Variants in PTPRD observed in about 807,000 individuals in gnomAD.
PTPRD encodes the protein receptor-type tyrosine-protein phosphatase delta.
In PTPRD, 34 loss-of-function variants were observed where a neutral mutation model predicts 214.5. The ratio of observed to expected loss-of-function variants is 0.16; its 90% CI spans 0.12 to 0.21. The LOEUF (loss-of-function observed/expected upper bound fraction) is 0.21, where lower values mean the gene tolerates loss of function less well. Among genes scored for constraint, PTPRD ranks in the 10% least tolerant of loss-of-function variants. The pLI, the probability that PTPRD is intolerant of heterozygous loss-of-function variation, is 1.00. For synonymous variants in PTPRD, 1,128 were observed against 845.7 expected (o/e 1.33, Z -5.79); for missense variants, 2,545 against 2,398.7 (o/e 1.06, Z -1.27).
intron 5 of PTPRD, among the ~76,000 whole-genome samples, chr9:9,779,411 C>A (rs1342781307): frequency 6.6e-6 from 1 of 152,036 alleles, no homozygotes; most frequent in African/African-American, 2.4e-5. Flanking sequence ...ACAGAATAAA[C>A]AGACAACATG....
intron 5 of PTPRD, among the ~76,000 whole-genome samples, chr9:9,880,905 A>G (rs1344125648): frequency 6.6e-6 from 1 of 152,170 alleles, no homozygotes; most frequent in Non-Finnish European, 1.5e-5. Flanking sequence ...TTGGAAAATA[A>G]TTACATATTT....
chr9:9,978,969 A>G (rs1320171060), intron 4 of PTPRD, among the ~76,000 whole-genome samples: 4 of 152,200 alleles, frequency 2.6e-5, no homozygotes, highest in Non-Finnish European at 5.9e-5. Flanking sequence ...TACAAGCCAG[A>G]ATATTCAGTC....
rs149944614 is a variant in PTPRD at position 8,667,130 on chromosome 9, G to A, written c.65-30286C>T. Among the ~76,000 whole-genome samples the A allele has an allele frequency of 3.2e-3, 486 of 152,280 alleles. 4 individuals are homozygous for A. Among genetic ancestry groups the A allele is most frequent in the East Asian group, 0.032 (163 of 5,172 alleles). ...GAGGCGGGCAGATGACCTGAAGTCA[G>A]GAGTTCAAGACCAGCCTGGCCAACA... On this transcript the variant is annotated intron_variant, in intron 12 of 45. Coordinates refer to ENST00000381196, the MANE Select transcript of PTPRD (RefSeq NM_002839.4).
chr9:9,349,347 A>G (rs1427011304), intron 9 of PTPRD, among the ~76,000 whole-genome samples: 1 of 151,916 alleles, frequency 6.6e-6, no homozygotes, highest in Non-Finnish European at 1.5e-5. Flanking sequence ...CAGTCACCAC[A>G]CCTCCAACCC....
intron 12 of PTPRD, among the ~76,000 whole-genome samples, chr9:8,708,903 C>G (rs2098267552): frequency 6.6e-6 from 1 of 151,968 alleles, no homozygotes; most frequent in Non-Finnish European, 1.5e-5. Context: ...ACAGTGAAAT[C>G]CTACTCAGCC....
intron 5 of PTPRD, among the ~76,000 whole-genome samples, chr9:9,861,569 G>A (rs542729343): frequency 2.6e-5 from 4 of 152,148 alleles, no homozygotes; most frequent in African/African-American, 9.7e-5. Context: ...GATTACTGGC[G>A]TGAGCCACCG....
intron 7 of PTPRD, among the ~76,000 whole-genome samples, chr9:9,732,371 T>C (rs763945936): frequency 6.6e-6 from 1 of 151,904 alleles, no homozygotes; most frequent in Non-Finnish European, 1.5e-5. Context: ...AGCAGGAGAA[T>C]AAGTGTTTTA....
chr9:10,107,795 G>A (rs908633607), intron 3 of PTPRD, among the ~76,000 whole-genome samples: 4 of 152,020 alleles, frequency 2.6e-5, no homozygotes, highest in Non-Finnish European at 5.9e-5. Context: ...AATGTCAACT[G>A]CAATATGATT....
intron 2 of PTPRD, among the ~76,000 whole-genome samples, chr9:10,504,625 C>G (rs2045266992): frequency 6.6e-6 from 1 of 152,140 alleles, no homozygotes; most frequent in Non-Finnish European, 1.5e-5. Flanking sequence ...CCGAATTCGT[C>G]AATTGCACAA....
At position 8,331,590 on chromosome 9, in the gene PTPRD, G is replaced by T. The variant is rs1841222693; in HGVS notation, c.5526C>A (p.Val1842=). The T allele has an allele frequency of 1.8e-6, 2 of 1,106,410 alleles. No homozygotes were observed. Among genetic ancestry groups the T allele is most frequent in the Non-Finnish European group, 2.3e-6 (2 of 862,510 alleles). 68.5% of individuals were successfully genotyped at this position (1,106,410 alleles called of 1,614,324 possible). A position where few individuals can be genotyped will look rare whatever the true frequency, so the allele number is the denominator to read the frequency against. The stretch of plus-strand genomic sequence containing the variant: ...CACAAATGGAAACTTACCTGCAATG[G>T]ACTGAAATGGGTCCATCTTGGCCAA... ...EQFGQDGPIS[V]HCSAGVGRTG... is the part of the protein sequence containing the mutation. The change falls in exon 44 of 46, where the codon GTC becomes GTA. Residue 1842 remains valine, a synonymous_variant. Transcript: ENST00000381196.
chr9:8,746,125 G>A (rs2092771598), intron 11 of PTPRD, among the ~76,000 whole-genome samples: 2 of 151,586 alleles, frequency 1.3e-5, no homozygotes, highest in South Asian at 4.2e-4. Context: ...AAATTTAAAT[G>A]TCAGCAAGGA....
In PTPRD at chr9:9,928,762, A is replaced by ACACACACACACACACACACACACACAC. The variant is rs1555348383; in HGVS notation, c.-368+9744_-368+9745insGTGTGTGTGTGTGTGTGTGTGTGTGTG. Among the ~76,000 whole-genome samples, 77 of 151,342 alleles carry ACACACACACACACACACACACACACAC rather than the reference A, an allele frequency of 5.1e-4. 1 individual carries two copies. The highest frequency in any genetic ancestry group is 1.7e-3 in the African/African-American group (71 of 41,256). On this transcript the variant is annotated intron_variant, in intron 5 of 45. Transcript: ENST00000381196. ...AGCAGTCATCTCTCTCTCTATACAC[A>ACACACACACACACACACACACACACAC]CACACACACACACACACACACACAC... is the stretch of plus-strand genomic sequence containing the variant.
chr9:8,849,578 A>G (rs1228057933), intron 11 of PTPRD, among the ~76,000 whole-genome samples: 2 of 152,178 alleles, frequency 1.3e-5, no homozygotes, highest in African/African-American at 2.4e-5. Flanking sequence ...ACTTGAACTG[A>G]GCATTAGAAA....
chr9:9,247,323 T>C (rs2099973515), intron 9 of PTPRD, among the ~76,000 whole-genome samples: 1 of 152,058 alleles, frequency 6.6e-6, no homozygotes, highest in Non-Finnish European at 1.5e-5. Flanking sequence ...TTGTGTCCAA[T>C]CACATTTCTA....
At chr9:10,295,617 G>T (rs1471002801) in intron 3 of PTPRD, among the ~76,000 whole-genome samples, 4 of 152,008 alleles carry the variant, frequency 2.6e-5, no homozygotes, top group African/African-American at 9.7e-5. Context: ...CCTTAGTATG[G>T]TAGGCAGAAT....
chr9:9,618,950 T>C (rs540494541), intron 7 of PTPRD, among the ~76,000 whole-genome samples: 2 of 151,772 alleles, frequency 1.3e-5, no homozygotes, highest in South Asian at 2.1e-4. Context: ...TCCCAAGACA[T>C]AGGAAAAAGC....
At chr9:10,434,745 T>C (rs973433434) in intron 2 of PTPRD, among the ~76,000 whole-genome samples, 2 of 151,940 alleles carry the variant, frequency 1.3e-5, no homozygotes, top group African/African-American at 4.8e-5. Flanking sequence ...TTTCTCTGCA[T>C]GTAATTTGTT....
At chr9:9,259,527 C>A (rs1013772823) in intron 9 of PTPRD, among the ~76,000 whole-genome samples, 1 of 151,824 alleles carries the variant, frequency 6.6e-6, no homozygotes, top group East Asian at 2.0e-4. Flanking sequence ...TTCAGTCACT[C>A]CGGCCTGAAA....
At chr9:10,202,670 G>GGATA (rs1564498007) in intron 3 of PTPRD, among the ~76,000 whole-genome samples, 1 of 40,136 alleles carries the variant, frequency 2.5e-5, no homozygotes, top group African/African-American at 2.0e-4. Context: ...AAAATTATAT[G>GGATA]GATATATATA....
Sources: gnomAD v4.1 joint callset for allele counts (sites outside exome capture counted in the v4.1 genomes callset) on GRCh38, gnomAD v4.1.1 for gene constraint, MANE v1.5 for transcripts, NCBI Gene and HGNC (gene_info 2026-07-23, HGNC 2026-07-21) for gene names.